RBFOX1: variants seen among roughly 807,000 people sequenced by gnomAD.
RBFOX1 encodes RNA binding fox-1 homolog 1, also known as RNA binding protein fox-1 homolog 1.
RBFOX1 carries 8 observed loss-of-function variants against 57.7 expected under a neutral mutation model. The observed-to-expected ratio is 0.14, with a 90% CI of 0.08 to 0.25. The LOEUF (loss-of-function observed/expected upper bound fraction) is 0.25, where lower values mean the gene tolerates loss of function less well. Among genes scored for constraint, RBFOX1 ranks in the 10% least tolerant of loss-of-function variants. RBFOX1 has a pLI of 1.00. For synonymous variants in RBFOX1, 326 were observed against 222.4 expected (o/e 1.47, Z -4.15); for missense variants, 611 against 548.5 (o/e 1.11, Z -1.14).
At chr16:7,313,247 A>AT (rs1304547749) in intron 4 of RBFOX1, among the ~76,000 whole-genome samples, 1 of 152,038 alleles carries the variant, frequency 6.6e-6, no homozygotes, top group Non-Finnish European at 1.5e-5. Context: ...AAACTATGCA[A>AT]TTTTTTGTTT....
intron 2 of RBFOX1, among the ~76,000 whole-genome samples, chr16:6,604,975 A>T (rs1323260905): frequency 1.3e-5 from 2 of 152,030 alleles, no homozygotes; most frequent in African/African-American, 2.4e-5. Context: ...TCTTTACCAA[A>T]AAAAGTAAAA....
chr16:6,731,024 A>G (rs773533328), intron 3 of RBFOX1, among the ~76,000 whole-genome samples: 1 of 152,178 alleles, frequency 6.6e-6, no homozygotes, highest in Non-Finnish European at 1.5e-5. Context: ...AAGAGAGGTT[A>G]TGTTTGCAAC....
chr16:7,263,804 G>T (rs1445834139), intron 4 of RBFOX1, among the ~76,000 whole-genome samples: 1 of 151,992 alleles, frequency 6.6e-6, no homozygotes, highest in African/African-American at 2.4e-5. Flanking sequence ...GTAGGCTGAG[G>T]CGGGAGAATC....
At chr16:6,060,136 T>TGTTG (rs1884613304) in intron 1 of RBFOX1, among the ~76,000 whole-genome samples, 1 of 22,966 alleles carries the variant, frequency 4.4e-5, no homozygotes, top group Non-Finnish European at 1.2e-4. Context: ...TTTTTTTTTT[T>TGTTG]TTTTTTTTTT....
In RBFOX1 at chr16:6,425,253, C is replaced by T. The variant is rs372889678; in HGVS notation, c.-64+108196C>T. ...CAGACAGGAAGGAGAGTATGGTCAA[C>T]AGGTATGAAGTTTGGGGAGGGTAAC... On this transcript the variant is annotated intron_variant, in intron 2 of 15. Transcript: ENST00000550418. Among the ~76,000 whole-genome samples the T allele has an allele frequency of 4.7e-4, 71 of 152,256 alleles. 1 individual carries two copies. Among genetic ancestry groups the T allele is most frequent in the African/African-American group, 1.5e-3 (64 of 41,548 alleles).
In RBFOX1 at chr16:7,710,874, A is replaced by G; in HGVS notation, c.*129A>G. On this transcript the variant is annotated 3_prime_UTR_variant, in exon 16 of 16. Coordinates refer to ENST00000550418, the MANE Select transcript of RBFOX1 (RefSeq NM_018723.4). ...AAAAAAAAAATACAAATAAAAAGGA[A>G]AAAAAATTACATTTTTTATCTTATA... The G allele has an allele frequency of 1.0e-6, 1 of 987,148 alleles. No individual in the cohort carries two copies. The highest frequency in any genetic ancestry group is 1.3e-6 in the Non-Finnish European group (1 of 745,676). 61.1% of individuals were successfully genotyped at this position (987,148 alleles called of 1,614,324 possible). A position where few individuals can be genotyped will look rare whatever the true frequency, so the allele number is the denominator to read the frequency against.
chr16:5,937,290 G>A (rs1393830903), intron 4 of RBFOX1, among the ~76,000 whole-genome samples: 2 of 152,128 alleles, frequency 1.3e-5, no homozygotes, highest in Non-Finnish European at 2.9e-5. Context: ...GAACAAACTT[G>A]GCAAACACTG....
At chr16:6,747,433 A>G (rs531994732) in intron 3 of RBFOX1, among the ~76,000 whole-genome samples, 1 of 139,920 alleles carries the variant, frequency 7.1e-6, no homozygotes, top group East Asian at 2.2e-4. Flanking sequence ...TCTATCAGTC[A>G]GTCAGTCAGT....
At chr16:6,259,745 G>A (rs1004665264) in intron 1 of RBFOX1, among the ~76,000 whole-genome samples, 1 of 152,062 alleles carries the variant, frequency 6.6e-6, no homozygotes, top group Non-Finnish European at 1.5e-5. Context: ...ATCACCTGAG[G>A]TCAGGAGTTC....
intron 1 of RBFOX1, among the ~76,000 whole-genome samples, chr16:5,292,356 C>T (rs1305464475): frequency 2.0e-5 from 3 of 152,186 alleles, no homozygotes; most frequent in East Asian, 3.9e-4. Flanking sequence ...CTGTTGTTTT[C>T]CCCCAAATCA....
intron 1 of RBFOX1, among the ~76,000 whole-genome samples, chr16:6,035,418 C>T (rs566022762): frequency 2.0e-5 from 3 of 152,366 alleles, no homozygotes; most frequent in African/African-American, 4.8e-5. Context: ...CAAACCATTT[C>T]ATCCTCCATT....
At chr16:6,449,983 G>A (rs905458289) in intron 2 of RBFOX1, among the ~76,000 whole-genome samples, 2 of 152,330 alleles carry the variant, frequency 1.3e-5, no homozygotes, top group South Asian at 2.1e-4. Context: ...AGTGGATTGC[G>A]TTAGTTCCCT....
intron 4 of RBFOX1, among the ~76,000 whole-genome samples, chr16:7,085,279 G>C (rs950801697): frequency 6.6e-6 from 1 of 152,040 alleles, no homozygotes; most frequent in Admixed American, 6.6e-5. Flanking sequence ...CACCTAAAGA[G>C]AACAGCTGCC....
chr16:7,550,691 A>C (rs1311847065), intron 5 of RBFOX1, among the ~76,000 whole-genome samples: 1 of 152,146 alleles, frequency 6.6e-6, no homozygotes, highest in Non-Finnish European at 1.5e-5. Context: ...AATATGCACC[A>C]TGTCTCTGGA....
At chr16:7,556,677 C>A (rs948348221) in intron 5 of RBFOX1, among the ~76,000 whole-genome samples, 27 of 152,298 alleles carry the variant, frequency 1.8e-4, no homozygotes, top group African/African-American at 6.5e-4. Context: ...GACCCACTCT[C>A]CTATCTGCTA....
chr16:6,795,449 C>G (rs560723250), intron 3 of RBFOX1, among the ~76,000 whole-genome samples: 6 of 152,104 alleles, frequency 3.9e-5, no homozygotes, highest in Non-Finnish European at 7.4e-5. Context: ...TAAGTTACGT[C>G]TTTATCAAAT....
chr16:7,083,776 G>C (rs79394593), intron 4 of RBFOX1, among the ~76,000 whole-genome samples: 3,653 of 152,290 alleles, frequency 0.024, 58 homozygotes, highest in Middle Eastern at 0.034. Context: ...CACCGTGCAT[G>C]GGTCAGTTGT....
chr16:7,368,384 G>A (rs1385809813), intron 4 of RBFOX1, among the ~76,000 whole-genome samples: 1 of 151,960 alleles, frequency 6.6e-6, no homozygotes, highest in Admixed American at 6.6e-5. Context: ...TATTTTGAAA[G>A]TTTACGTATT....
intron 1 of RBFOX1, among the ~76,000 whole-genome samples, chr16:6,096,113 G>A (rs1187617302): frequency 1.3e-5 from 2 of 152,180 alleles, no homozygotes; most frequent in African/African-American, 2.4e-5. Flanking sequence ...GCTTGTTCAT[G>A]GTAAACGACC....
Sources: allele counts gnomAD v4.1 joint callset (sites outside exome capture counted in the v4.1 genomes callset), GRCh38; gene constraint gnomAD v4.1.1; transcripts MANE v1.5; gene names NCBI Gene and HGNC (gene_info 2026-07-23, HGNC 2026-07-21).